Variants in SYN1 observed in about 807,000 individuals in gnomAD.
SYN1 encodes the protein synapsin-1.
SYN1 carries 8 observed loss-of-function variants against 44.6 expected under a neutral mutation model. That is an observed-to-expected ratio of 0.18 (90% CI 0.11 to 0.32). The LOEUF (loss-of-function observed/expected upper bound fraction) is 0.32, where lower values mean the gene tolerates loss of function less well. Among genes scored for constraint, SYN1 ranks in the 10% least tolerant of loss-of-function variants. The pLI is 1.00. For missense variants in SYN1, 451 were observed against 639.4 expected (o/e 0.71, Z 3.18); for synonymous variants, 275 against 280.1 (o/e 0.98, Z 0.18).
chrX:47,578,759 TAG>T (rs765627690), intron 5 of SYN1, among the ~76,000 whole-genome samples: 3 of 111,487 alleles, frequency 2.7e-5, no homozygotes, highest in Admixed American at 9.4e-5. Flanking sequence ...GCTGACAAGG[TAG>T]AGAGATGGCA....
At chrX:47,598,553 T>G (rs1388018476) in intron 5 of SYN1, among the ~76,000 whole-genome samples, 1 of 111,458 alleles carries the variant, frequency 9.0e-6, no homozygotes, top group African/African-American at 3.3e-5. Context: ...ATTGGCCAGG[T>G]GCGGTGGCAC....
At chrX:47,599,995 A>C (rs1184430009) in intron 5 of SYN1, among the ~76,000 whole-genome samples, 1 of 112,439 alleles carries the variant, frequency 8.9e-6, no homozygotes, top group African/African-American at 3.2e-5. Context: ...GATAAAGAAA[A>C]ATATTTTATA....
chrX:47,590,616 C>T (rs1396483175), intron 5 of SYN1, among the ~76,000 whole-genome samples: 2 of 111,540 alleles, frequency 1.8e-5, no homozygotes, highest in East Asian at 5.7e-4. Context: ...AGTCTGCACT[C>T]TGCGAGATGG....
chrX:47,602,419 G>A, intron 5 of SYN1, among the ~76,000 whole-genome samples: 1 of 111,745 alleles, frequency 8.9e-6, no homozygotes, highest in Non-Finnish European at 1.9e-5. Flanking sequence ...CAGCACTTTG[G>A]GAGGCCGAGG....
At chrX:47,577,627 T>A in intron 5 of SYN1, 126 bp from the exon 6 acceptor site, 1 of 597,454 alleles carries the variant, frequency 1.7e-6, no homozygotes, top group Non-Finnish European at 2.7e-6. Flanking sequence ...GACACACAGG[T>A]CAGAGACAGG....
rs139307863 is a variant in SYN1 at position 47,610,959 on chromosome X, G to T, written c.378-3761C>A. Among the ~76,000 whole-genome samples the T allele has an allele frequency of 3.9e-4, 44 of 111,554 alleles. No homozygotes were observed. The East Asian group carries it at 0.012, about 31-fold the overall frequency. The stretch of plus-strand genomic sequence containing the variant: ...TGCTGGTGAGGGTGGTACCAGTCAC[G>T]CTGAGAAGCACAGTAGTGGTAAGGT... On this transcript the variant is annotated intron_variant, in intron 1 of 12. Coordinates refer to ENST00000295987, the MANE Select transcript of SYN1 (RefSeq NM_006950.3).
intron 9 of SYN1, among the ~76,000 whole-genome samples, chrX:47,575,753 C>T (rs1335560761): frequency 1.8e-5 from 2 of 111,851 alleles, no homozygotes; most frequent in Non-Finnish European, 3.8e-5. Flanking sequence ...CCGTCTGCTC[C>T]TTTACAGAAA....
chrX:47,580,932 C>CAAAA (rs34026683), intron 5 of SYN1, among the ~76,000 whole-genome samples: 2 of 95,764 alleles, frequency 2.1e-5, no homozygotes, highest in African/African-American at 7.9e-5. Context: ...AGACTCTTGT[C>CAAAA]AAAAAAAAAA....
At chrX:47,582,375 G>A (rs1603055282) in intron 5 of SYN1, 2 of 201,292 alleles carry the variant, frequency 9.9e-6, no homozygotes, top group East Asian at 3.1e-4. Context: ...TGTGGTTTCC[G>A]CACCCGCTGC....
At chrX:47,618,506 A>G (rs1277861469) in intron 1 of SYN1, among the ~76,000 whole-genome samples, 1 of 111,056 alleles carries the variant, frequency 9.0e-6, no homozygotes, top group Non-Finnish European at 1.9e-5. Context: ...AGACGGTCTG[A>G]AGATGAGTCA....
At chrX:47,603,291 G>A (rs1363363460) in intron 5 of SYN1, among the ~76,000 whole-genome samples, 1 of 110,670 alleles carries the variant, frequency 9.0e-6, no homozygotes, top group Non-Finnish European at 1.9e-5. Context: ...CAACCTCCAG[G>A]GCTCAAGCAA....
intron 9 of SYN1, 74 bp downstream of exon 9, chrX:47,576,057 A>G: frequency 2.0e-6 from 2 of 1,010,538 alleles, no homozygotes; most frequent in Non-Finnish European, 2.7e-6. Flanking sequence ...TGTGCCATGG[A>G]GTGCTTCAGT....
At chrX:47,608,291 G>GGAGGGGAA (rs2057905998) in intron 1 of SYN1, among the ~76,000 whole-genome samples, 1 of 28,172 alleles carries the variant, frequency 3.5e-5, no homozygotes, top group Admixed American at 4.0e-4. Flanking sequence ...AGGAAGGAAG[G>GGAGGGGAA]GGAAGGAAGG....
chrX:47,585,980 C>A (rs2057824375), intron 5 of SYN1: 2 of 1,041,357 alleles, frequency 1.9e-6, no homozygotes, highest in African/African-American at 1.9e-5. Flanking sequence ...TCTTGGTTCC[C>A]CAGAATGTTC....
intron 5 of SYN1, 144 bp downstream of exon 5, chrX:47,604,834 C>T: frequency 1.8e-6 from 1 of 555,447 alleles, no homozygotes; most frequent in East Asian, 3.6e-5. Context: ...CACGGTAGAC[C>T]CTATCACAAA....
At position 47,598,827 on chromosome X, in the gene SYN1, A is replaced by AAAAT. The variant is rs745400536; in HGVS notation, c.774+6147_774+6150dup. 6.4e-3 allele frequency among the ~76,000 whole-genome samples: 704 copies of AAAAT among 109,580 alleles called. 20 individuals carry two copies. Among genetic ancestry groups the AAAAT allele is most frequent in the Admixed American group, 0.054 (540 of 10,048 alleles). ...GGGTGACAGAGTGAGACTTTGTCTC[A>AAAAT]AAATAAATAAATAAATAAATAAATA... On this transcript the variant is annotated intron_variant, in intron 5 of 12. Transcript: ENST00000295987.
At position 47,572,855 on chromosome X, in the gene SYN1, A is replaced by G; in HGVS notation, c.*9T>C. The G allele has an allele frequency of 8.3e-7, 1 of 1,211,408 alleles. No individual in the cohort carries two copies. Among genetic ancestry groups the G allele is most frequent in the African/African-American group, 1.7e-5 (1 of 57,708 alleles). ...TGCCCAGGGATTTTGGGGTTCTCAG[A>G]GTGGGGTATCAGTCGGAGAAGAGGC... On this transcript the variant is annotated 3_prime_UTR_variant, in exon 13 of 13. Transcript: ENST00000295987.
In SYN1 at chrX:47,617,135, A is replaced by G. The variant is rs1603077264; in HGVS notation, c.377+2217T>C. Among the ~76,000 whole-genome samples the G allele has an allele frequency of 3.6e-5, 4 of 111,658 alleles. No homozygotes were observed. In the South Asian group the frequency reaches 1.5e-3, roughly 42 times the overall value. On this transcript the variant is annotated intron_variant, in intron 1 of 12. Coordinates refer to ENST00000295987, the MANE Select transcript of SYN1 (RefSeq NM_006950.3). ...TAAATGCCTCCCACACTTTCATGGA[A>G]AGGATGCAATAAATATCTGCAGAAT...
intron 5 of SYN1, among the ~76,000 whole-genome samples, chrX:47,602,768 GTTTA>G (rs1569329876): frequency 8.9e-6 from 1 of 112,135 alleles, no homozygotes; most frequent in Admixed American, 9.4e-5. Context: ...TAGTAGCAAT[GTTTA>G]TTTAATCAAG....
Sources: gnomAD v4.1 joint callset for allele counts (sites outside exome capture counted in the v4.1 genomes callset) on GRCh38, gnomAD v4.1.1 for gene constraint, MANE v1.5 for transcripts, NCBI Gene and HGNC (gene_info 2026-07-23, HGNC 2026-07-21) for gene names.